The following PDE4D variants were observed in gnomAD, a reference collection of about 807,000 sequenced individuals.
PDE4D encodes the protein 3',5'-cyclic-AMP phosphodiesterase 4D.
PDE4D carries 24 observed loss-of-function variants against 87.4 expected under a neutral mutation model. That is an observed-to-expected ratio of 0.27 (90% CI 0.20 to 0.39). PDE4D has a LOEUF of 0.39. PDE4D is among the 10% of genes least tolerant of loss of function. The pLI, the probability that PDE4D is intolerant of heterozygous loss-of-function variation, is 1.00. For synonymous variants in PDE4D, 384 were observed against 383.2 expected (o/e 1.00, Z -0.02); for missense variants, 714 against 1,041.0 (o/e 0.69, Z 4.32).
intron 1 of PDE4D, among the ~76,000 whole-genome samples, chr5:59,813,375 G>A (rs1270451326): frequency 6.6e-6 from 1 of 151,726 alleles, no homozygotes; most frequent in East Asian, 1.9e-4. Flanking sequence ...TTACCCACCA[G>A]TACCAGCTTT....
At chr5:59,561,792 C>T (rs1239228561) in intron 1 of PDE4D, among the ~76,000 whole-genome samples, 1 of 152,046 alleles carries the variant, frequency 6.6e-6, no homozygotes, top group Non-Finnish European at 1.5e-5. Flanking sequence ...ATTAGCCAGG[C>T]ATGGTGGCAT....
At chr5:59,916,161 A>T (rs1754022614) in intron 3 of PDE4D, among the ~76,000 whole-genome samples, 1 of 152,228 alleles carries the variant, frequency 6.6e-6, no homozygotes, top group African/African-American at 2.4e-5. Context: ...GGAGAAAAGG[A>T]CAATGGTGGC....
At chr5:60,484,586 T>G (rs577024412) in intron 1 of PDE4D, among the ~76,000 whole-genome samples, 1 of 152,294 alleles carries the variant, frequency 6.6e-6, no homozygotes, top group East Asian at 1.9e-4. Context: ...CCACATTCGT[T>G]TATCACAGTA....
intron 1 of PDE4D, among the ~76,000 whole-genome samples, chr5:59,419,086 A>T (rs1794087558): frequency 6.6e-6 from 1 of 152,312 alleles, no homozygotes; most frequent in South Asian, 2.1e-4. Flanking sequence ...GTGCTATGTA[A>T]TGTGAGTTCA....
intron 5 of PDE4D, among the ~76,000 whole-genome samples, chr5:59,060,190 G>A (rs560911306): frequency 6.6e-6 from 1 of 152,280 alleles, no homozygotes; most frequent in East Asian, 1.9e-4. Context: ...ATTGGATGGT[G>A]AGTTGAATTT....
At chr5:59,403,670 T>C (rs1429491513) in intron 1 of PDE4D, among the ~76,000 whole-genome samples, 1 of 152,190 alleles carries the variant, frequency 6.6e-6, no homozygotes, top group African/African-American at 2.4e-5. Flanking sequence ...CAGTACTCCA[T>C]TGTGTATATG....
At chr5:60,044,366 CT>C (rs56387023) in intron 2 of PDE4D, among the ~76,000 whole-genome samples, 4 of 151,404 alleles carry the variant, frequency 2.6e-5, no homozygotes, top group East Asian at 2.0e-4. Flanking sequence ...CTAGTTTTTC[CT>C]TTTTTTTATA....
At chr5:60,515,422 C>T (rs1750748698) in intron 1 of PDE4D, among the ~76,000 whole-genome samples, 1 of 152,074 alleles carries the variant, frequency 6.6e-6, no homozygotes, top group Admixed American at 6.5e-5. Context: ...TACATCTTTA[C>T]TGTCTTTCAA....
chr5:60,335,824 G>A (rs921873126), intron 1 of PDE4D, among the ~76,000 whole-genome samples: 2 of 152,192 alleles, frequency 1.3e-5, no homozygotes, highest in Non-Finnish European at 2.9e-5. Context: ...GGGGTTCAGA[G>A]GAGCATGGCT....
chr5:59,269,989 AT>A lies in PDE4D; in HGVS notation c.456-54022del, dbSNP rs905660990. Among the ~76,000 whole-genome samples, 9 of 152,252 alleles carry A rather than the reference AT, an allele frequency of 5.9e-5. No individual in the cohort carries two copies. The East Asian group carries it at 1.7e-3, about 29-fold the overall frequency. On this transcript the variant is annotated intron_variant, in intron 1 of 14. Transcript: ENST00000340635. The stretch of plus-strand genomic sequence containing the variant: ...GGTGACTCCTCCAGGGACACAGAGC[AT>A]GTTAGAAGTACAGTGGACAAATGGC...
At chr5:60,294,779 A>G (rs1285585753) in intron 1 of PDE4D, among the ~76,000 whole-genome samples, 1 of 152,090 alleles carries the variant, frequency 6.6e-6, no homozygotes, top group Non-Finnish European at 1.5e-5. Context: ...GTTATAATAC[A>G]ACTATATTTT....
At chr5:59,542,034 T>A (rs137932497) in intron 1 of PDE4D, among the ~76,000 whole-genome samples, 3,664 of 152,228 alleles carry the variant, frequency 0.024, 73 homozygotes, top group Non-Finnish European at 0.035. Flanking sequence ...TAGCTTTGGA[T>A]CTCCTGTAAC....
At chr5:60,367,873 C>T (rs1036124704) in intron 1 of PDE4D, among the ~76,000 whole-genome samples, 4 of 152,168 alleles carry the variant, frequency 2.6e-5, no homozygotes, top group Non-Finnish European at 5.9e-5. Flanking sequence ...TCCCCTGCTT[C>T]CCCTTGGACT....
At chr5:60,299,174 A>C (rs1451248323) in intron 1 of PDE4D, among the ~76,000 whole-genome samples, 1 of 152,218 alleles carries the variant, frequency 6.6e-6, no homozygotes, top group Non-Finnish European at 1.5e-5. Flanking sequence ...TCTGGCTAAA[A>C]TCATGTAATG....
intron 1 of PDE4D, among the ~76,000 whole-genome samples, chr5:59,529,778 G>A (rs984198973): frequency 3.9e-5 from 6 of 152,162 alleles, no homozygotes; most frequent in Non-Finnish European, 7.3e-5. Flanking sequence ...CTACTTCTCT[G>A]TAGGTATCTC....
At chr5:60,150,593 G>T (rs1781422670) in intron 2 of PDE4D, among the ~76,000 whole-genome samples, 1 of 152,038 alleles carries the variant, frequency 6.6e-6, no homozygotes, top group Admixed American at 6.6e-5. Flanking sequence ...CTTTCGCATG[G>T]TAAATAGCCA....
At position 59,549,966 on chromosome 5, in the gene PDE4D, T is replaced by A. The variant is rs151269262; in HGVS notation, c.456-333998A>T. 6.8e-3 allele frequency among the ~76,000 whole-genome samples: 1,037 copies of A among 151,882 alleles called. 10 individuals carry two copies. The highest frequency in any genetic ancestry group is 0.011 in the Non-Finnish European group (716 of 67,952). On this transcript the variant is annotated intron_variant, in intron 1 of 14. Coordinates refer to ENST00000340635, the MANE Select transcript of PDE4D (RefSeq NM_001104631.2). ...GCATTTAGAACTAATCTAGTATGAT[T>A]CCTTTATTTCACAGATGAAGAAACG...
intron 1 of PDE4D, among the ~76,000 whole-genome samples, chr5:60,254,394 C>T (rs1488366637): frequency 6.6e-6 from 1 of 151,920 alleles, no homozygotes; most frequent in African/African-American, 2.4e-5. Context: ...CTATCTTGTC[C>T]AGCCCCTGCC....
chr5:60,441,656 C>T (rs537938430), intron 1 of PDE4D, among the ~76,000 whole-genome samples: 15 of 152,264 alleles, frequency 9.9e-5, no homozygotes, highest in East Asian at 7.7e-4. Context: ...AGGCACCCTA[C>T]AGAGTGGGAG....
Sources: gnomAD v4.1 joint callset for allele counts (sites outside exome capture counted in the v4.1 genomes callset) on GRCh38, gnomAD v4.1.1 for gene constraint, MANE v1.5 for transcripts, NCBI Gene and HGNC (gene_info 2026-07-23, HGNC 2026-07-21) for gene names.